The following SLC22A25 variants were observed in gnomAD, a reference collection of about 807,000 sequenced individuals.
SLC22A25 encodes MGI:2442751, MGI:2385316, MGI:3042283, MGI:3645714, MGI:3605624, MGI:2442750.
A neutral mutation model predicts 45.9 loss-of-function variants in SLC22A25; 44 were observed. The ratio of observed to expected loss-of-function variants is 0.96; its 90% confidence interval spans 0.75 to 1.23. The LOEUF is 1.23. SLC22A25 is among the 50% of genes most tolerant of loss of function. SLC22A25 has a pLI of 0.00. For synonymous variants in SLC22A25, 283 were observed against 238.6 expected (o/e 1.19, Z -1.72); for missense variants, 800 against 666.4 (o/e 1.20, Z -2.21).
In SLC22A25 at chr11:63,159,091, C is replaced by G. The variant is rs1288636450; in HGVS notation, c.*4733G>C. ...TTGCTGCAAATGACAGGATCTCATT[C>G]TTTATTTTATGGCTGAATAGTACTT... is the stretch of plus-strand genomic sequence containing the variant. On this transcript the variant is annotated 3_prime_UTR_variant, in exon 12 of 12. Transcript: ENST00000306494. Among the ~76,000 whole-genome samples, 3 of 151,964 alleles carry G rather than the reference C, an allele frequency of 2.0e-5. No individual in the cohort carries two copies. The highest frequency in any genetic ancestry group is 7.3e-5 in the African/African-American group (3 of 41,374).
chr11:63,173,940 T>C (rs1035715343), intron 9 of SLC22A25, among the ~76,000 whole-genome samples: 2 of 151,256 alleles, frequency 1.3e-5, no homozygotes, highest in African/African-American at 2.4e-5. Flanking sequence ...CTGGGATACA[T>C]GTGCAGAACG....
Position 63,162,671 on chromosome 11 carries a change from T to C in SLC22A25, c.*1153A>G, listed in dbSNP as rs2087555265. Among the ~76,000 whole-genome samples the C allele has an allele frequency of 6.6e-6, 1 of 152,166 alleles. No homozygotes were observed. Among genetic ancestry groups the C allele is most frequent in the Non-Finnish European group, 1.5e-5 (1 of 68,024 alleles). On this transcript the variant is annotated 3_prime_UTR_variant, in exon 12 of 12. Coordinates refer to ENST00000306494, the MANE Select transcript of SLC22A25 (RefSeq NM_199352.6). ...CCAGAAACATGTGAGATGTATATAATTATACAAATGTTCTATTATGATTCC... is the reference window on the plus strand; with the variant it reads ...CCAGAAACATGTGAGATGTATATAACTATACAAATGTTCTATTATGATTCC...
rs1026553196 is a variant in SLC22A25 at position 63,230,050 on chromosome 11, G to A, written c.-398C>T. ...TGCTACTTGGTATGCAGTCTTTCCA[G>A]AACGTGTAATCTGTGGGACTCAAAG... is the stretch of plus-strand genomic sequence containing the variant. On this transcript the variant is annotated 5_prime_UTR_variant, in exon 4 of 12. Coordinates refer to ENST00000306494, the MANE Select transcript of SLC22A25 (RefSeq NM_199352.6). 2.0e-5 allele frequency among the ~76,000 whole-genome samples: 3 copies of A among 152,164 alleles called. No homozygotes were observed. The highest frequency in any genetic ancestry group is 4.4e-5 in the Non-Finnish European group (3 of 68,030).
At chr11:63,236,087 T>G (rs1389724037) in intron 3 of SLC22A25, among the ~76,000 whole-genome samples, 5 of 152,044 alleles carry the variant, frequency 3.3e-5, no homozygotes, top group African/African-American at 9.7e-5. Flanking sequence ...CTACTTGGTG[T>G]TCAGGGACCC....
intron 7 of SLC22A25, among the ~76,000 whole-genome samples, chr11:63,212,816 A>AT (rs1421843544): frequency 6.6e-6 from 1 of 151,560 alleles, no homozygotes; most frequent in South Asian, 2.1e-4. Flanking sequence ...AAAAAAAAAA[A>AT]ATTCTACCAT....
At chr11:63,168,443 A>T (rs2087761705) in intron 9 of SLC22A25, among the ~76,000 whole-genome samples, 1 of 152,210 alleles carries the variant, frequency 6.6e-6, no homozygotes, top group Non-Finnish European at 1.5e-5. Context: ...GGAACTGCTA[A>T]CTAGTTAACC....
At position 63,208,098 on chromosome 11, in the gene SLC22A25, G is replaced by T. The variant is rs2089457074; in HGVS notation, c.830+9216C>A. 2.0e-5 allele frequency: 3 copies of T among 152,358 alleles called. No homozygotes were observed. In the South Asian group the frequency reaches 6.2e-4, roughly 32 times the overall value. 9.4% of individuals were successfully genotyped at this position (152,358 alleles called of 1,614,324 possible). A position where few individuals can be genotyped will look rare whatever the true frequency, so the allele number is the denominator to read the frequency against. On this transcript the variant is annotated intron_variant, in intron 7 of 11. Coordinates refer to ENST00000306494, the MANE Select transcript of SLC22A25 (RefSeq NM_199352.6). ...GACTCATCCAGGATTGGAGATGACAGATTTACTGTCTCCTTTGCCTGTGGG... is the reference window on the plus strand; with the variant it reads ...GACTCATCCAGGATTGGAGATGACATATTTACTGTCTCCTTTGCCTGTGGG...
chr11:63,228,435 G>C (rs1340355207), intron 5 of SLC22A25, 26 bp downstream of exon 5: 1 of 1,492,756 alleles, frequency 6.7e-7, no homozygotes, highest in South Asian at 1.2e-5. Flanking sequence ...TACCCTTGAA[G>C]AGAGCTATGC....
At chr11:63,231,109 A>G (rs987843700) in intron 3 of SLC22A25, among the ~76,000 whole-genome samples, 8 of 152,226 alleles carry the variant, frequency 5.3e-5, no homozygotes, top group Non-Finnish European at 8.8e-5. Flanking sequence ...CACAATAAAC[A>G]TACATGTGCA....
intron 7 of SLC22A25, among the ~76,000 whole-genome samples, chr11:63,209,200 C>T (rs964417419): frequency 6.6e-6 from 1 of 152,052 alleles, no homozygotes; most frequent in Non-Finnish European, 1.5e-5. Context: ...AGACTCTTGG[C>T]TCAGTGTGGC....
In SLC22A25 at chr11:63,182,220, TG is replaced by T. The variant is rs147849900; in HGVS notation, c.955-1446del. 3.4e-3 allele frequency among the ~76,000 whole-genome samples: 515 copies of T among 152,254 alleles called. 2 individuals are homozygous for T. Among genetic ancestry groups the T allele is most frequent in the African/African-American group, 0.011 (461 of 41,572 alleles). ...ACCAATTGCTCTTTTTGAGCAACAC[TG>T]GCCTTCCTCTGGGTGCTGAGGGGAC... is the stretch of plus-strand genomic sequence containing the variant. On this transcript the variant is annotated intron_variant, in intron 8 of 11. Transcript: ENST00000306494.
chr11:63,173,901 T>TC (rs2087985317), intron 9 of SLC22A25, among the ~76,000 whole-genome samples: 2 of 134,928 alleles, frequency 1.5e-5, no homozygotes, highest in South Asian at 4.3e-4. Context: ...TTTCTTTTCT[T>TC]TTTTTTTTTT....
At position 63,229,769 on chromosome 11, in the gene SLC22A25, A is replaced by C. The variant is rs1205263438; in HGVS notation, c.-117T>G. On this transcript the variant is annotated 5_prime_UTR_variant, in exon 4 of 12. Transcript: ENST00000306494. ...AAGTGTGTGTGTTGATCCTGACCCCACTCTCTTCTTAATGGGCCCTCTCTC... is the reference window on the plus strand; with the variant it reads ...AAGTGTGTGTGTTGATCCTGACCCCCCTCTCTTCTTAATGGGCCCTCTCTC... The C allele has an allele frequency of 9.3e-7, 1 of 1,070,680 alleles. No homozygotes were observed. The highest frequency in any genetic ancestry group is 1.3e-6 in the Non-Finnish European group (1 of 784,906). The allele number at this position is 1,070,680 out of a possible 1,614,324, so 66.3% of individuals were successfully genotyped here. A position where few individuals can be genotyped will look rare whatever the true frequency, so the allele number is the denominator to read the frequency against.
At chr11:63,206,493 T>G (rs1197071119) in intron 7 of SLC22A25, among the ~76,000 whole-genome samples, 1 of 151,894 alleles carries the variant, frequency 6.6e-6, no homozygotes, top group African/African-American at 2.4e-5. Flanking sequence ...ACACAAATAA[T>G]AGAAAAACAG....
At chr11:63,190,071 C>A (rs2088739663) in intron 7 of SLC22A25, among the ~76,000 whole-genome samples, 1 of 152,078 alleles carries the variant, frequency 6.6e-6, no homozygotes, top group Admixed American at 6.6e-5. Context: ...CTCTGTATTT[C>A]CTGAATTTGA....
At chr11:63,164,743 T>G (rs1590766593) in intron 10 of SLC22A25, 109 bp from the exon 11 acceptor site, 2 of 826,810 alleles carry the variant, frequency 2.4e-6, no homozygotes, top group East Asian at 2.6e-5. Flanking sequence ...AGGGGTAAAA[T>G]GTACTGTAGG....
At chr11:63,225,592 T>G (rs2089945513) in intron 5 of SLC22A25, among the ~76,000 whole-genome samples, 1 of 152,184 alleles carries the variant, frequency 6.6e-6, no homozygotes, top group African/African-American at 2.4e-5. Flanking sequence ...GTTGGATTAT[T>G]AATACCTTGA....
In SLC22A25 at chr11:63,180,761, G is replaced by T. The variant is rs867242672; in HGVS notation, c.969C>A (p.Thr323=). ...DILTMEVLKS[T]MKQELEAAQK... is the part of the protein sequence containing the mutation. The stretch of plus-strand genomic sequence containing the variant: ...GTGCTGCCTCCAGTTCTTGCTTCAT[G>T]GTGGATTTCAAAACCTTCAACAACA... The change falls in exon 9 of 12, where the codon ACC becomes ACA. Residue 323 remains threonine (T), a synonymous_variant. Coordinates refer to ENST00000306494, the MANE Select transcript of SLC22A25 (RefSeq NM_199352.6). The T allele has an allele frequency of 6.2e-7, 1 of 1,612,626 alleles. No individual in the cohort carries two copies. Among genetic ancestry groups the T allele is most frequent in the Middle Eastern group, 1.7e-4 (1 of 6,038 alleles).
At position 63,161,453 on chromosome 11, in the gene SLC22A25, A is replaced by G. The variant is rs1038568688; in HGVS notation, c.*2371T>C. Among the ~76,000 whole-genome samples, 9 of 152,120 alleles carry G rather than the reference A, an allele frequency of 5.9e-5. No individual in the cohort carries two copies. The highest frequency in any genetic ancestry group is 1.3e-4 in the Non-Finnish European group (9 of 68,012). On this transcript the variant is annotated 3_prime_UTR_variant, in exon 12 of 12. Transcript: ENST00000306494. ...TGGTTTGACTGTGTCCGCCTACCCAATCTCATCTTGAATTGTAGCTCCCAC... is the reference window on the plus strand; with the variant it reads ...TGGTTTGACTGTGTCCGCCTACCCAGTCTCATCTTGAATTGTAGCTCCCAC...
Sources: allele counts gnomAD v4.1 joint callset (sites outside exome capture counted in the v4.1 genomes callset), GRCh38; gene constraint gnomAD v4.1.1; transcripts MANE v1.5; gene names NCBI Gene and HGNC (gene_info 2026-07-23, HGNC 2026-07-21).